Variants in BMERB1 observed in about 807,000 individuals in gnomAD.
BMERB1 encodes the protein bMERB domain containing 1, also known as bMERB domain-containing protein 1.
A neutral mutation model predicts 23.6 loss-of-function variants in BMERB1; 12 were observed. The observed-to-expected ratio is 0.51, with a 90% CI of 0.33 to 0.82. BMERB1 has a LOEUF of 0.82. Among genes scored for constraint, BMERB1 ranks in the 40% least tolerant of loss-of-function variants. BMERB1 has a pLI of 0.03. For missense variants in BMERB1, 247 were observed against 255.4 expected, an observed-to-expected ratio of 0.97 and a Z score of 0.22; for synonymous variants, 122 against 96.6, an observed-to-expected ratio of 1.26 and a Z score of -1.54.
At chr16:15,480,167 C>G (rs1037075854) in intron 1 of BMERB1, among the ~76,000 whole-genome samples, 1 of 151,112 alleles carries the variant, frequency 6.6e-6, no homozygotes, top group African/African-American at 2.4e-5. Context: ...GGCTGGAGTG[C>G]AGTGACACGA....
intron 2 of BMERB1, among the ~76,000 whole-genome samples, chr16:15,551,524 A>G (rs935349514): frequency 6.6e-5 from 10 of 152,192 alleles, no homozygotes; most frequent in African/African-American, 2.4e-4. Flanking sequence ...AGAAGGGATT[A>G]GTGAAGCTGC....
intron 1 of BMERB1, among the ~76,000 whole-genome samples, chr16:15,465,456 G>A (rs1415141915): frequency 1.3e-5 from 2 of 151,310 alleles, no homozygotes; most frequent in Admixed American, 6.6e-5. Context: ...GGGTTCAAGC[G>A]ATTCTCATGC....
At chr16:15,507,016 G>T (rs2051599243) in intron 1 of BMERB1, among the ~76,000 whole-genome samples, 1 of 152,180 alleles carries the variant, frequency 6.6e-6, no homozygotes, top group Non-Finnish European at 1.5e-5. Flanking sequence ...GCTAGATCAT[G>T]GCTCCGGTAA....
At chr16:15,481,899 A>G (rs1044820261) in intron 1 of BMERB1, among the ~76,000 whole-genome samples, 8 of 144,076 alleles carry the variant, frequency 5.6e-5, no homozygotes, top group Admixed American at 1.4e-4. Flanking sequence ...AAATTTTTGT[A>G]TTTTTTTTTT....
intron 1 of BMERB1, among the ~76,000 whole-genome samples, chr16:15,462,137 C>CGTTTTTTTTTTTTTTTTTTTTTTTT (rs2051140678): frequency 1.8e-5 from 1 of 56,932 alleles, no homozygotes; most frequent in African/African-American, 7.9e-5. Context: ...GATGTCCTGC[C>CGTTTTTTTTTTTTTTTTTTTTTTTT]TTTTTTTTTT....
At chr16:15,484,753 A>G (rs2051353822) in intron 1 of BMERB1, among the ~76,000 whole-genome samples, 1 of 152,222 alleles carries the variant, frequency 6.6e-6, no homozygotes, top group Admixed American at 6.5e-5. Flanking sequence ...CATAGCATTC[A>G]TCATTTTAAA....
At chr16:15,538,538 C>T (rs1477372998) in intron 2 of BMERB1, among the ~76,000 whole-genome samples, 2 of 152,058 alleles carry the variant, frequency 1.3e-5, no homozygotes, top group Non-Finnish European at 2.9e-5. Context: ...TGTTCCATGT[C>T]TTCAATGCTC....
At position 15,460,215 on chromosome 16, in the gene BMERB1, A is replaced by C. The variant is rs935747495; in HGVS notation, c.106+25456A>C. Among the ~76,000 whole-genome samples, 3 of 152,276 alleles carry C rather than the reference A, an allele frequency of 2.0e-5. No homozygotes were observed. The East Asian group carries it at 5.8e-4, about 29-fold the overall frequency. ...TTCTCTGAGTGGGAGGATGGGTGAGATTCAAATTAGAGAAGTACTATGAGG... is the reference window on the plus strand; with the variant it reads ...TTCTCTGAGTGGGAGGATGGGTGAGCTTCAAATTAGAGAAGTACTATGAGG... On this transcript the variant is annotated intron_variant, in intron 1 of 5. Transcript: ENST00000300006.
At chr16:15,548,701 C>G (rs1450357645) in intron 2 of BMERB1, among the ~76,000 whole-genome samples, 3 of 152,210 alleles carry the variant, frequency 2.0e-5, no homozygotes, top group African/African-American at 7.2e-5. Flanking sequence ...TTATCAAGCC[C>G]CAGGGTCTCG....
intron 1 of BMERB1, among the ~76,000 whole-genome samples, chr16:15,509,554 C>T (rs1035569597): frequency 1.3e-5 from 2 of 152,170 alleles, no homozygotes; most frequent in Non-Finnish European, 2.9e-5. Context: ...GGGACTCATT[C>T]GAGGTCTTGC....
intron 1 of BMERB1, among the ~76,000 whole-genome samples, chr16:15,465,979 A>G (rs566180784): frequency 6.6e-6 from 1 of 152,206 alleles, no homozygotes; most frequent in Non-Finnish European, 1.5e-5. Context: ...CAAATTCTTC[A>G]ACCAATCTTC....
At chr16:15,570,401 T>C (rs2030694165) in intron 3 of BMERB1, among the ~76,000 whole-genome samples, 1 of 152,168 alleles carries the variant, frequency 6.6e-6, no homozygotes, top group African/African-American at 2.4e-5. Flanking sequence ...ACTATTGACA[T>C]TTGGGGTTGA....
At chr16:15,517,541 A>G (rs2051777306) in intron 2 of BMERB1, among the ~76,000 whole-genome samples, 1 of 152,094 alleles carries the variant, frequency 6.6e-6, no homozygotes, top group Non-Finnish European at 1.5e-5. Flanking sequence ...AAGACAGAGA[A>G]CATGAGTCTT....
At chr16:15,461,046 A>G (rs1000961047) in intron 1 of BMERB1, among the ~76,000 whole-genome samples, 1 of 150,576 alleles carries the variant, frequency 6.6e-6, no homozygotes, top group Non-Finnish European at 1.5e-5. Flanking sequence ...GATCGCTTGA[A>G]CCCAGGAGGC....
chr16:15,447,201 TGAAAA>T (rs1207894695), intron 1 of BMERB1, among the ~76,000 whole-genome samples: 26 of 152,162 alleles, frequency 1.7e-4, no homozygotes, highest in Non-Finnish European at 3.7e-4. Flanking sequence ...CTGGGTGATT[TGAAAA>T]GAAAAGAGAT....
chr16:15,551,047 CA>C (rs766034636), intron 2 of BMERB1, among the ~76,000 whole-genome samples: 4 of 152,140 alleles, frequency 2.6e-5, no homozygotes, highest in Non-Finnish European at 5.9e-5. Flanking sequence ...CAAGAGAGCC[CA>C]GATGCTGAGC....
At chr16:15,569,601 C>T (rs1429746394) in intron 3 of BMERB1, among the ~76,000 whole-genome samples, 1 of 152,120 alleles carries the variant, frequency 6.6e-6, no homozygotes. Flanking sequence ...CACATCCAAA[C>T]TATATCAGAA....
At chr16:15,542,908 A>T (rs2052099841) in intron 2 of BMERB1, among the ~76,000 whole-genome samples, 1 of 151,950 alleles carries the variant, frequency 6.6e-6, no homozygotes, top group Non-Finnish European at 1.5e-5. Flanking sequence ...GCGTCTAGGG[A>T]TGTGTTACAA....
At chr16:15,572,441 G>A (rs1432082582) in intron 3 of BMERB1, among the ~76,000 whole-genome samples, 2 of 152,176 alleles carry the variant, frequency 1.3e-5, no homozygotes, top group African/African-American at 2.4e-5. Context: ...GAAAGAGAGC[G>A]ACAGCTAGTG....
Sources: gnomAD v4.1 joint callset for allele counts (sites outside exome capture counted in the v4.1 genomes callset) on GRCh38, gnomAD v4.1.1 for gene constraint, MANE v1.5 for transcripts, NCBI Gene and HGNC (gene_info 2026-07-23, HGNC 2026-07-21) for gene names.